Variants in EEF1AKMT2 observed in about 807,000 individuals in gnomAD.
The protein encoded by EEF1AKMT2 is eukaryotic translation elongation factor 1 alpha lysine methyltransferase 2.
A neutral mutation model predicts 35.8 loss-of-function variants in EEF1AKMT2; 32 were observed. The ratio of observed to expected loss-of-function variants is 0.89; its 90% CI spans 0.67 to 1.20. The LOEUF is 1.20. Ranked by LOEUF, EEF1AKMT2 falls within the 50% of genes most tolerant of loss-of-function variation. The pLI is 0.00. For synonymous variants in EEF1AKMT2, 121 were observed against 133.7 expected, an observed-to-expected ratio of 0.91 and a Z score of 0.65; for missense variants, 330 against 347.5, an observed-to-expected ratio of 0.95 and a Z score of 0.40.
intron 3 of EEF1AKMT2, among the ~76,000 whole-genome samples, chr10:124,781,940 C>T (rs1478747013): frequency 1.3e-5 from 2 of 151,874 alleles, no homozygotes; most frequent in Non-Finnish European, 2.9e-5. Flanking sequence ...AGATCAAGAA[C>T]CCAACATGAT....
chr10:124,780,814 G>A (rs1950533114), intron 3 of EEF1AKMT2, among the ~76,000 whole-genome samples: 1 of 151,862 alleles, frequency 6.6e-6, no homozygotes, highest in Non-Finnish European at 1.5e-5. Flanking sequence ...CACATCATAA[G>A]CAAACTGCAA....
Position 124,769,234 on chromosome 10 carries a change from AT to A in EEF1AKMT2, c.400-3627del, listed in dbSNP as rs1419843389. 8.9e-4 allele frequency among the ~76,000 whole-genome samples: 13 copies of A among 14,600 alleles called. No individual in the cohort carries two copies. The South Asian group carries it at 0.031, about 35-fold the overall frequency. The allele number at this position is 14,600 out of a possible 152,430, so 9.6% of individuals were successfully genotyped here. ...CACTGTCTCCAAAAAAAAAAAAAAA[AT>A]ATATATATATATATGTGTGTATAAA... On this transcript the variant is annotated intron_variant, in intron 4 of 6. Transcript: ENST00000368836.
At chr10:124,780,468 T>C (rs923517814) in intron 3 of EEF1AKMT2, among the ~76,000 whole-genome samples, 3 of 152,154 alleles carry the variant, frequency 2.0e-5, no homozygotes, top group Admixed American at 2.0e-4. Flanking sequence ...CCAATTGCAA[T>C]GTGTGGACTT....
intron 4 of EEF1AKMT2, among the ~76,000 whole-genome samples, chr10:124,773,680 T>C (rs1001028964): frequency 1.3e-5 from 2 of 152,110 alleles, no homozygotes; most frequent in Non-Finnish European, 2.9e-5. Flanking sequence ...CCATCTTACG[T>C]GGGCACAGTT....
In EEF1AKMT2 at chr10:124,780,948, C is replaced by T. The variant is rs117528164; in HGVS notation, c.292-6166G>A. The stretch of plus-strand genomic sequence containing the variant: ...AAACATGGAAGTCAAAAACAAGTGA[C>T]GTAACTTTTTTTTTTTGAGACGGAG... On this transcript the variant is annotated intron_variant, in intron 3 of 6. Transcript: ENST00000368836. Among the ~76,000 whole-genome samples the T allele has an allele frequency of 6.6e-3, 1,002 of 151,886 alleles. 5 individuals are homozygous for T. Among genetic ancestry groups the T allele is most frequent in the Non-Finnish European group, 8.9e-3 (604 of 67,952 alleles).
chr10:124,762,078 C>CA (rs1210061881), intron 6 of EEF1AKMT2, among the ~76,000 whole-genome samples: 2 of 151,944 alleles, frequency 1.3e-5, no homozygotes, highest in Non-Finnish European at 2.9e-5. Flanking sequence ...CTCTTATAAA[C>CA]AGAAAAAAAT....
chr10:124,766,766 A>AG (rs1160705443), intron 4 of EEF1AKMT2, among the ~76,000 whole-genome samples: 3 of 152,222 alleles, frequency 2.0e-5, no homozygotes. Context: ...AACTTTGAAG[A>AG]GGCTTCCTCA....
At chr10:124,782,654 A>T (rs1372322073) in intron 3 of EEF1AKMT2, among the ~76,000 whole-genome samples, 9 of 151,428 alleles carry the variant, frequency 5.9e-5, no homozygotes, top group African/African-American at 2.2e-4. Flanking sequence ...TGTACTAAAA[A>T]TACAAAAAGT....
chr10:124,770,609 G>C (rs116443072), intron 4 of EEF1AKMT2, among the ~76,000 whole-genome samples: 4 of 152,130 alleles, frequency 2.6e-5, no homozygotes, highest in Non-Finnish European at 4.4e-5. Context: ...AAAGTTTGCC[G>C]TATCGACTGA....
At chr10:124,786,348 T>G (rs1221025116) in intron 3 of EEF1AKMT2, among the ~76,000 whole-genome samples, 1 of 150,828 alleles carries the variant, frequency 6.6e-6, no homozygotes, top group East Asian at 2.0e-4. Context: ...CTACTGAAAA[T>G]ACAAAAAATT....
At chr10:124,773,622 C>G (rs1193434408) in intron 4 of EEF1AKMT2, among the ~76,000 whole-genome samples, 1 of 152,108 alleles carries the variant, frequency 6.6e-6, no homozygotes, top group African/African-American at 2.4e-5. Context: ...GATAGGAGAC[C>G]AGCCAGTAGG....
chr10:124,770,752 G>T (rs1950425805), intron 4 of EEF1AKMT2, among the ~76,000 whole-genome samples: 1 of 152,174 alleles, frequency 6.6e-6, no homozygotes, highest in African/African-American at 2.4e-5. Context: ...TAAGTTTATG[G>T]AATATTCAAA....
chr10:124,791,636 G>C lies in EEF1AKMT2; in HGVS notation c.110+88C>G, dbSNP rs916362841. 20 of 1,522,864 alleles carry C rather than the reference G, an allele frequency of 1.3e-5. No individual in the cohort carries two copies. In the African/African-American group the frequency reaches 2.1e-4, roughly 16 times the overall value. 94.3% of individuals were successfully genotyped at this position (1,522,864 alleles called of 1,614,324 possible). ...CGCCCCCGAGGGTCTCCCTGTCCCT[G>C]AGCCCCGGGTCTCCACCCCGCCGTC... On this transcript the variant is annotated intron_variant, in intron 1 of 6. Coordinates refer to ENST00000368836, the MANE Select transcript of EEF1AKMT2 (RefSeq NM_212554.4).
intron 3 of EEF1AKMT2, among the ~76,000 whole-genome samples, chr10:124,777,849 A>C (rs1160248812): frequency 3.3e-5 from 5 of 152,086 alleles, no homozygotes; most frequent in Non-Finnish European, 2.9e-5. Flanking sequence ...ATATCTGTAC[A>C]TAGAAAGGGT....
chr10:124,771,713 C>CA (rs1454908572), intron 4 of EEF1AKMT2, among the ~76,000 whole-genome samples: 1 of 151,752 alleles, frequency 6.6e-6, no homozygotes, highest in Non-Finnish European at 1.5e-5. Flanking sequence ...ACTAAAAATA[C>CA]AAAAAATTAG....
chr10:124,790,552 A>C (rs1236343140), intron 1 of EEF1AKMT2, among the ~76,000 whole-genome samples: 1 of 152,164 alleles, frequency 6.6e-6, no homozygotes, highest in African/African-American at 2.4e-5. Context: ...GTACATGTAA[A>C]GCATTTAGGA....
rs184154030 is a variant in EEF1AKMT2 at position 124,759,264 on chromosome 10, C to T, written c.*1239G>A. ...TTGCCAAATTAGCCCCTAACTAGAACATCTTTGTGCATGTATCGCTGAGGG... is the reference window on the plus strand; with the variant it reads ...TTGCCAAATTAGCCCCTAACTAGAATATCTTTGTGCATGTATCGCTGAGGG... On this transcript the variant is annotated 3_prime_UTR_variant, in exon 7 of 7. Coordinates refer to ENST00000368836, the MANE Select transcript of EEF1AKMT2 (RefSeq NM_212554.4). The T allele has an allele frequency of 1.7e-4, 26 of 152,236 alleles. No individual in the cohort carries two copies. The East Asian group carries it at 3.1e-3, about 18-fold the overall frequency. The allele number at this position is 152,236 out of a possible 1,614,324, so 9.4% of individuals were successfully genotyped here.
At chr10:124,780,250 G>A (rs780047283) in intron 3 of EEF1AKMT2, among the ~76,000 whole-genome samples, 20 of 152,148 alleles carry the variant, frequency 1.3e-4, no homozygotes, top group South Asian at 4.1e-4. Flanking sequence ...GATTTGACCC[G>A]TAGACTGTGG....
chr10:124,772,246 C>G (rs531874378), intron 4 of EEF1AKMT2, among the ~76,000 whole-genome samples: 1 of 152,138 alleles, frequency 6.6e-6, no homozygotes, highest in Non-Finnish European at 1.5e-5. Flanking sequence ...GTAACTCCTA[C>G]ATGGCATCTT....
Sources: allele counts gnomAD v4.1 joint callset (sites outside exome capture counted in the v4.1 genomes callset), GRCh38; gene constraint gnomAD v4.1.1; transcripts MANE v1.5; gene names NCBI Gene and HGNC (gene_info 2026-07-23, HGNC 2026-07-21).